FBN2: variants seen among roughly 807,000 people sequenced by gnomAD.
FBN2 encodes fibrillin-2.
A neutral mutation model predicts 355.6 loss-of-function variants in FBN2; 105 were observed. That is an observed-to-expected ratio of 0.30 (90% CI 0.25 to 0.35). The LOEUF (loss-of-function observed/expected upper bound fraction) is 0.35. FBN2 is among the 10% of genes least tolerant of loss of function. FBN2 has a pLI of 1.00. For missense variants in FBN2, 3,280 were observed against 3,758.7 expected (o/e 0.87, Z 3.33); for synonymous variants, 1,350 against 1,301.2 (o/e 1.04, Z -0.81).
chr5:128,367,582 A>G (rs189355063), intron 16 of FBN2, among the ~76,000 whole-genome samples: 2 of 152,258 alleles, frequency 1.3e-5, no homozygotes, highest in East Asian at 3.9e-4. Context: ...TACAAAATAA[A>G]AAAGAATTTA....
At chr5:128,296,097 T>C (rs1234686014) in intron 48 of FBN2, among the ~76,000 whole-genome samples, 1 of 152,230 alleles carries the variant, frequency 6.6e-6, no homozygotes, top group Admixed American at 6.5e-5. Flanking sequence ...GAGATAATCA[T>C]GTGGTTTTTG....
At chr5:128,284,898 T>C (rs1344308389) in intron 55 of FBN2, among the ~76,000 whole-genome samples, 3 of 152,230 alleles carry the variant, frequency 2.0e-5, no homozygotes, top group Non-Finnish European at 4.4e-5. Context: ...CATACTTTTC[T>C]CATTTGCTTA....
chr5:128,516,894 C>A (rs1030277390), intron 5 of FBN2, among the ~76,000 whole-genome samples: 6 of 152,044 alleles, frequency 3.9e-5, no homozygotes, highest in African/African-American at 1.4e-4. Flanking sequence ...TAAAACATCT[C>A]TTTAAAATAT....
At chr5:128,267,222 T>A (rs1365852739) in intron 62 of FBN2, among the ~76,000 whole-genome samples, 2 of 152,208 alleles carry the variant, frequency 1.3e-5, no homozygotes, top group African/African-American at 4.8e-5. Flanking sequence ...ATCCAGTCTA[T>A]CATGGGCATT....
rs1756898097 is a variant in FBN2 at position 128,537,703 on chromosome 5, T to C, written c.-100A>G. The C allele has an allele frequency of 8.2e-7, 1 of 1,218,086 alleles. No individual in the cohort carries two copies. The highest frequency in any genetic ancestry group is 1.3e-5 in the South Asian group (1 of 77,694). The allele number at this position is 1,218,086 out of a possible 1,614,324, so 75.5% of individuals were successfully genotyped here. On this transcript the variant is annotated 5_prime_UTR_variant, in exon 1 of 65. Transcript: ENST00000262464. ...AAAGAGTCAGGGTCTAATAAGCCCTTCGTCGGCTCCGGGGACTCCCTCGGG... is the reference window on the plus strand; with the variant it reads ...AAAGAGTCAGGGTCTAATAAGCCCTCCGTCGGCTCCGGGGACTCCCTCGGG...
intron 6 of FBN2, among the ~76,000 whole-genome samples, chr5:128,456,137 C>T (rs1172985280): frequency 6.6e-6 from 1 of 151,924 alleles, no homozygotes; most frequent in African/African-American, 2.4e-5. Context: ...TGGCTTGGTC[C>T]CAAGACTTGT....
intron 48 of FBN2, among the ~76,000 whole-genome samples, chr5:128,295,141 G>C (rs1196234616): frequency 6.8e-6 from 1 of 147,534 alleles, no homozygotes; most frequent in Non-Finnish European, 1.5e-5. Context: ...AGATCAGATA[G>C]TTGTAGATAT....
At position 128,419,958 on chromosome 5, in the gene FBN2, G is replaced by A. The variant is rs959864209; in HGVS notation, c.953-11159C>T. Among the ~76,000 whole-genome samples the A allele has an allele frequency of 2.6e-5, 4 of 152,204 alleles. No homozygotes were observed. In the East Asian group the frequency reaches 5.8e-4, roughly 22 times the overall value. On this transcript the variant is annotated intron_variant, in intron 7 of 64. Coordinates refer to ENST00000262464, the MANE Select transcript of FBN2 (RefSeq NM_001999.4). Reference sequence around the variant, plus strand: ...GATCTGCCCACCTTGGCCTCCCAAAGTGCTGGGATTACAGGCGTGAGCCAC... The same window carrying A: ...GATCTGCCCACCTTGGCCTCCCAAAATGCTGGGATTACAGGCGTGAGCCAC...
At chr5:128,466,572 C>T (rs887029098) in intron 5 of FBN2, among the ~76,000 whole-genome samples, 3 of 152,140 alleles carry the variant, frequency 2.0e-5, no homozygotes, top group African/African-American at 7.2e-5. Context: ...CATAAAACTT[C>T]GATTTGCTTT....
At position 128,446,400 on chromosome 5, in the gene FBN2, T is replaced by C; in HGVS notation, c.952+81A>G. On this transcript the variant is annotated intron_variant, in intron 7 of 64. Transcript: ENST00000262464. ...AAAGAGTTTTAATTGTGACCAGTAG[T>C]CTTCAAAATTTCAAATGAAGTCCTG... The C allele has an allele frequency of 8.5e-6, 12 of 1,408,994 alleles. No individual in the cohort carries two copies. The South Asian group carries it at 1.4e-4, about 16-fold the overall frequency. The allele number at this position is 1,408,994 out of a possible 1,614,324, so 87.3% of individuals were successfully genotyped here. A position where few individuals can be genotyped will look rare whatever the true frequency, so the allele number is the denominator to read the frequency against.
chr5:128,485,025 G>A (rs1755298616), intron 5 of FBN2, among the ~76,000 whole-genome samples: 1 of 121,200 alleles, frequency 8.3e-6, no homozygotes, highest in African/African-American at 4.8e-5. Flanking sequence ...AATGCACAAG[G>A]AAACTTTTTT....
At chr5:128,481,103 T>A (rs1755172595) in intron 5 of FBN2, among the ~76,000 whole-genome samples, 1 of 152,048 alleles carries the variant, frequency 6.6e-6, no homozygotes, top group Admixed American at 6.5e-5. Context: ...TTTCACAGCC[T>A]GAAAATTAAT....
At chr5:128,413,607 C>G (rs1029525511) in intron 7 of FBN2, among the ~76,000 whole-genome samples, 1 of 152,082 alleles carries the variant, frequency 6.6e-6, no homozygotes, top group Non-Finnish European at 1.5e-5. Context: ...AAATCTTACA[C>G]TAAACGGAAT....
chr5:128,370,183 A>G (rs909724689), intron 15 of FBN2, among the ~76,000 whole-genome samples: 2 of 152,140 alleles, frequency 1.3e-5, no homozygotes, highest in Admixed American at 6.5e-5. Flanking sequence ...AAAATACCCT[A>G]CAACTTTATA....
intron 4 of FBN2, among the ~76,000 whole-genome samples, chr5:128,519,625 GT>G (rs952669470): frequency 4.7e-5 from 7 of 148,610 alleles, no homozygotes; most frequent in Admixed American, 3.4e-4. Flanking sequence ...AAGGTTTTTT[GT>G]TTTTTTTTTA....
chr5:128,354,574 C>A (rs1013034602), intron 20 of FBN2, among the ~76,000 whole-genome samples: 1 of 152,074 alleles, frequency 6.6e-6, no homozygotes, highest in East Asian at 1.9e-4. Context: ...GTAGTAATTA[C>A]GAAGAGAAAT....
chr5:128,469,758 G>A (rs1017829360), intron 5 of FBN2, among the ~76,000 whole-genome samples: 3 of 152,282 alleles, frequency 2.0e-5, no homozygotes, highest in African/African-American at 2.4e-5. Context: ...TGGAAGATGA[G>A]TAAGCAAGAG....
intron 5 of FBN2, among the ~76,000 whole-genome samples, chr5:128,518,957 G>A (rs1045638594): frequency 6.6e-6 from 1 of 152,130 alleles, no homozygotes; most frequent in South Asian, 2.1e-4. Flanking sequence ...TTTAACAGAA[G>A]CAGTACTTTC....
intron 6 of FBN2, among the ~76,000 whole-genome samples, chr5:128,457,148 T>A (rs1754415784): frequency 6.6e-6 from 1 of 152,106 alleles, no homozygotes; most frequent in African/African-American, 2.4e-5. Context: ...GAGAACTTCA[T>A]GAAGCATACA....
Sources: allele counts gnomAD v4.1 joint callset (sites outside exome capture counted in the v4.1 genomes callset), GRCh38; gene constraint gnomAD v4.1.1; transcripts MANE v1.5; gene names NCBI Gene and HGNC (gene_info 2026-07-23, HGNC 2026-07-21).